The following NAALADL2 variants were observed in gnomAD, a reference collection of about 807,000 sequenced individuals.
NAALADL2 encodes the protein N-acetylated alpha-linked acidic dipeptidase like 2.
Under a neutral mutation model 87.2 loss-of-function variants are expected in NAALADL2, and 76 were observed. The ratio of observed to expected loss-of-function variants is 0.87; its 90% CI spans 0.72 to 1.05. The LOEUF is 1.05. Ranked by LOEUF, NAALADL2 falls within the 50% of genes least tolerant of loss-of-function variation. The pLI, the probability that NAALADL2 is intolerant of heterozygous loss-of-function variation, is 0.00. For missense variants in NAALADL2, 1,089 were observed against 945.8 expected (o/e 1.15, Z -1.99); for synonymous variants, 354 against 331.0 (o/e 1.07, Z -0.75).
intron 1 of NAALADL2, among the ~76,000 whole-genome samples, chr3:174,913,355 C>G (rs1733952099): frequency 6.6e-6 from 1 of 152,136 alleles, no homozygotes; most frequent in South Asian, 2.1e-4. Context: ...TTTTCCTTTG[C>G]AAACAGGGCT....
At chr3:175,012,460 G>A (rs529530637) in intron 1 of NAALADL2, among the ~76,000 whole-genome samples, 1 of 152,228 alleles carries the variant, frequency 6.6e-6, no homozygotes, top group East Asian at 1.9e-4. Flanking sequence ...GAGCCACCGT[G>A]CCTGGCCCAT....
chr3:175,290,270 C>A (rs1311894683), intron 4 of NAALADL2, among the ~76,000 whole-genome samples: 3 of 152,052 alleles, frequency 2.0e-5, no homozygotes, highest in Non-Finnish European at 4.4e-5. Flanking sequence ...TCTAAATATC[C>A]ATCAACAAGT....
chr3:175,194,367 C>T (rs1271147805), intron 2 of NAALADL2, among the ~76,000 whole-genome samples: 2 of 151,738 alleles, frequency 1.3e-5, no homozygotes, highest in Non-Finnish European at 3.0e-5. Flanking sequence ...CTCACCTCAT[C>T]CCTACCAAAA....
rs76502402 is a variant in NAALADL2 at position 175,135,970 on chromosome 3, A to G, written c.545+38679A>G. 4.0e-4 allele frequency among the ~76,000 whole-genome samples: 61 copies of G among 152,346 alleles called. 1 individual carries two copies. The East Asian group carries it at 0.011, about 26-fold the overall frequency. The stretch of plus-strand genomic sequence containing the variant: ...TTGACACAGAAGACTAATGTAAATT[A>G]TATGCAGACCCAAAGTTCAAGTGTT... On this transcript the variant is annotated intron_variant, in intron 2 of 13. Transcript: ENST00000454872.
chr3:175,631,733 G>A (rs562993733), intron 11 of NAALADL2, among the ~76,000 whole-genome samples: 1 of 151,986 alleles, frequency 6.6e-6, no homozygotes, highest in East Asian at 1.9e-4. Context: ...TGAATTAAAT[G>A]CCAATGTAAA....
intron 9 of NAALADL2, among the ~76,000 whole-genome samples, chr3:175,491,129 A>G (rs1728010242): frequency 6.6e-6 from 1 of 150,938 alleles, no homozygotes; most frequent in South Asian, 2.1e-4. Context: ...CAGAGCTGCA[A>G]CATTTCTTTC....
intron 3 of NAALADL2, among the ~76,000 whole-genome samples, chr3:174,838,024 A>G (rs1055238341): frequency 7.2e-6 from 1 of 138,724 alleles, no homozygotes; most frequent in Non-Finnish European, 1.6e-5. Context: ...CAAAAAAGAA[A>G]AAAAAAAAAA....
At chr3:175,761,902 C>G (rs993102509) in intron 13 of NAALADL2, among the ~76,000 whole-genome samples, 5 of 152,046 alleles carry the variant, frequency 3.3e-5, no homozygotes, top group African/African-American at 1.2e-4. Flanking sequence ...GACACCAATC[C>G]TCTATTAGGT....
At chr3:174,479,909 T>C (rs1311980462) in intron 1 of NAALADL2, among the ~76,000 whole-genome samples, 1 of 152,106 alleles carries the variant, frequency 6.6e-6, no homozygotes, top group Admixed American at 6.6e-5. Flanking sequence ...TGGTGAATTA[T>C]CTTGGGAATC....
At chr3:175,296,509 T>C (rs2110186121) in intron 4 of NAALADL2, among the ~76,000 whole-genome samples, 1 of 152,226 alleles carries the variant, frequency 6.6e-6, no homozygotes. Flanking sequence ...AAGCCACCAT[T>C]ATAGCCCTTT....
chr3:175,133,615 G>T (rs906597677), intron 2 of NAALADL2, among the ~76,000 whole-genome samples: 1 of 152,284 alleles, frequency 6.6e-6, no homozygotes, highest in South Asian at 2.1e-4. Flanking sequence ...GCAGGCACTC[G>T]GCAGGCTGAG....
intron 13 of NAALADL2, among the ~76,000 whole-genome samples, chr3:175,793,452 G>A (rs1753065625): frequency 6.6e-6 from 1 of 151,644 alleles, no homozygotes; most frequent in Admixed American, 6.6e-5. Context: ...TGGGACTACA[G>A]GCACCCGCCA....
chr3:175,270,629 T>C (rs950382207), intron 4 of NAALADL2, among the ~76,000 whole-genome samples: 1 of 152,156 alleles, frequency 6.6e-6, no homozygotes, highest in Non-Finnish European at 1.5e-5. Context: ...AATCTTATCT[T>C]GAATGAGAAG....
intron 2 of NAALADL2, among the ~76,000 whole-genome samples, chr3:174,603,519 A>C (rs2108615698): frequency 6.6e-6 from 1 of 151,836 alleles, no homozygotes; most frequent in South Asian, 2.1e-4. Flanking sequence ...TCTGGCTATA[A>C]GTTTATCAAT....
At chr3:175,246,088 A>C (rs1373972313) in intron 3 of NAALADL2, among the ~76,000 whole-genome samples, 1 of 152,168 alleles carries the variant, frequency 6.6e-6, no homozygotes, top group East Asian at 1.9e-4. Flanking sequence ...CAGAAGCACC[A>C]ATATAATTCT....
chr3:174,621,908 T>C (rs1721047812), intron 2 of NAALADL2, among the ~76,000 whole-genome samples: 1 of 152,138 alleles, frequency 6.6e-6, no homozygotes, highest in African/African-American at 2.4e-5. Flanking sequence ...ATCCAGTAGG[T>C]GGTTTCATAA....
chr3:175,214,078 A>G (rs895948805), intron 2 of NAALADL2, among the ~76,000 whole-genome samples: 2 of 152,206 alleles, frequency 1.3e-5, no homozygotes, highest in African/African-American at 4.8e-5. Context: ...AATATGAGCC[A>G]ACATGCCCAT....
intron 6 of NAALADL2, among the ~76,000 whole-genome samples, chr3:175,460,413 C>T (rs550647975): frequency 3.3e-5 from 5 of 152,130 alleles, no homozygotes; most frequent in Non-Finnish European, 7.4e-5. Context: ...TTGACCTAGT[C>T]TTTGCCTAGT....
intron 1 of NAALADL2, among the ~76,000 whole-genome samples, chr3:174,936,386 C>T (rs9851093): frequency 0.013 from 2,006 of 152,032 alleles, 47 homozygotes; most frequent in African/African-American, 0.046. Context: ...ATGCCTACTC[C>T]TACACATGGA....
Sources: gnomAD v4.1 joint callset for allele counts (sites outside exome capture counted in the v4.1 genomes callset) on GRCh38, gnomAD v4.1.1 for gene constraint, MANE v1.5 for transcripts, NCBI Gene and HGNC (gene_info 2026-07-23, HGNC 2026-07-21) for gene names.